The following TESK1 variants were observed in gnomAD, a reference collection of about 807,000 sequenced individuals.
TESK1 encodes testis associated actin remodelling kinase 1.
TESK1 carries 18 observed loss-of-function variants against 59.9 expected under a neutral mutation model. The observed-to-expected ratio is 0.30, with a 90% CI of 0.21 to 0.45. TESK1 has a LOEUF of 0.45. Ranked by LOEUF, TESK1 falls within the 20% of genes least tolerant of loss-of-function variation. The pLI is 1.00. For missense variants in TESK1, 748 were observed against 840.9 expected (o/e 0.89, Z 1.37); for synonymous variants, 341 against 357.4 (o/e 0.95, Z 0.52).
rs758121925 is a variant in TESK1 at position 35,607,562 on chromosome 9, C to T, written c.621-20C>T. 12 of 1,608,950 alleles carry T rather than the reference C, an allele frequency of 7.5e-6. No individual in the cohort carries two copies. The highest frequency in any genetic ancestry group is 1.0e-5 in the Non-Finnish European group (12 of 1,175,588). On this transcript the variant is annotated intron_variant, in intron 5 of 9. Transcript: ENST00000336395. The surrounding 1 kb of genome is among the most constrained non-coding windows in gnomAD (Gnocchi z 4.5). ...TGCCTGAATAGGATGCTTCTGACCA[C>T]TCTGCCCCTGCCCCTGCAGGGAGGG... is the stretch of plus-strand genomic sequence containing the variant.
At position 35,605,823 on chromosome 9, in the gene TESK1, C is replaced by T; in HGVS notation, c.204C>T (p.Phe68=). The T allele has an allele frequency of 1.9e-6, 3 of 1,611,744 alleles. No individual in the cohort carries two copies. The highest frequency in any genetic ancestry group is 2.5e-6 in the Non-Finnish European group (3 of 1,179,424). Residue 68 remains phenylalanine, a synonymous_variant, in exon 1 of 10, where the codon TTC becomes TTT. Transcript: ENST00000336395. ...HCAEKIGAGF[F]SEVYKVRHRQ... ...CGGAGAAGATCGGGGCCGGCTTCTT[C>T]TCTGAGGTCTACAAGGTAGGACCGG...
chr9:35,605,304 CCCGCCCGCCCGCCT>C lies in TESK1; in HGVS notation c.-307_-294del, dbSNP rs1309511304. 3 of 148,092 alleles carry C rather than the reference CCCGCCCGCCCGCCT, an allele frequency of 2.0e-5. No homozygotes were observed. The highest frequency in any genetic ancestry group is 4.9e-5 in the African/African-American group (2 of 40,924). The allele number at this position is 148,092 out of a possible 1,614,324, so 9.2% of individuals were successfully genotyped here. A position where few individuals can be genotyped will look rare whatever the true frequency, so the allele number is the denominator to read the frequency against. ...GGCTAAGCGGAGCAGCCGCCGCCCG[CCCGCCCGCCCGCCT>C]CCGCCCGCGGCAAGCCAGCCCGCCG... On this transcript the variant is annotated 5_prime_UTR_variant, in exon 1 of 10. Coordinates refer to ENST00000336395, the MANE Select transcript of TESK1 (RefSeq NM_006285.3).
In TESK1 at chr9:35,609,906, AC is replaced by A. The variant is rs759922705; in HGVS notation, c.*170del. 1.0e-5 allele frequency: 8 copies of A among 793,800 alleles called. No homozygotes were observed. The highest frequency in any genetic ancestry group is 4.5e-5 in the South Asian group (2 of 44,740). The allele number at this position is 793,800 out of a possible 1,614,324, so 49.2% of individuals were successfully genotyped here. A position where few individuals can be genotyped will look rare whatever the true frequency, so the allele number is the denominator to read the frequency against. On this transcript the variant is annotated 3_prime_UTR_variant, in exon 10 of 10. Transcript: ENST00000336395. This position sits in a 1 kb window ranked among gnomAD's most constrained non-coding sequence, Gnocchi z 6.7. Reference sequence around the variant, plus strand: ...TCAAGGGACAGAGCACTTCCAGTCGACCCCCCGGCTCGCGTTCCCGTGGGGA... The same window carrying A: ...TCAAGGGACAGAGCACTTCCAGTCGACCCCCGGCTCGCGTTCCCGTGGGGA...
In TESK1 at chr9:35,607,083, A is replaced by G. The variant is rs1281699574; in HGVS notation, c.537+100A>G. On this transcript the variant is annotated intron_variant, in intron 4 of 9. Transcript: ENST00000336395. This position sits in a 1 kb window ranked among gnomAD's most constrained non-coding sequence, Gnocchi z 4.5. ...GAATATGGATAACAGATATATTAGGATGTTGGAGTGGCAAGGCATTGGAGA... is the reference window on the plus strand; with the variant it reads ...GAATATGGATAACAGATATATTAGGGTGTTGGAGTGGCAAGGCATTGGAGA... The G allele has an allele frequency of 1.4e-6, 2 of 1,448,158 alleles. No homozygotes were observed. Among genetic ancestry groups the G allele is most frequent in the Non-Finnish European group, 9.2e-7 (1 of 1,086,398 alleles). The allele number at this position is 1,448,158 out of a possible 1,614,324, so 89.7% of individuals were successfully genotyped here. A position where few individuals can be genotyped will look rare whatever the true frequency, so the allele number is the denominator to read the frequency against.
In TESK1 at chr9:35,607,030, T is replaced by G; in HGVS notation, c.537+47T>G. On this transcript the variant is annotated intron_variant, in intron 4 of 9. Coordinates refer to ENST00000336395, the MANE Select transcript of TESK1 (RefSeq NM_006285.3). The surrounding 1 kb of genome is among the most constrained non-coding windows in gnomAD (Gnocchi z 4.5). ...AGACATGAAAGAGGGTTTGAGGCTA[T>G]TAGGTTGTAACTGGCCTGTGGATGT... The G allele has an allele frequency of 2.0e-6, 3 of 1,519,778 alleles. No individual in the cohort carries two copies. The highest frequency in any genetic ancestry group is 2.7e-6 in the Non-Finnish European group (3 of 1,129,502). 94.1% of individuals were successfully genotyped at this position (1,519,778 alleles called of 1,614,324 possible). A position where few individuals can be genotyped will look rare whatever the true frequency, so the allele number is the denominator to read the frequency against.
chr9:35,607,046 C>T lies in TESK1; in HGVS notation c.537+63C>T. 6.7e-7 allele frequency: 1 copy of T among 1,489,548 alleles called. No individual in the cohort carries two copies. Among genetic ancestry groups the T allele is most frequent in the East Asian group, 2.4e-5 (1 of 41,192 alleles). The allele number at this position is 1,489,548 out of a possible 1,614,324, so 92.3% of individuals were successfully genotyped here. A position where few individuals can be genotyped will look rare whatever the true frequency, so the allele number is the denominator to read the frequency against. On this transcript the variant is annotated intron_variant, in intron 4 of 9. Transcript: ENST00000336395. This position sits in a 1 kb window ranked among gnomAD's most constrained non-coding sequence, Gnocchi z 4.5. ...TTGAGGCTATTAGGTTGTAACTGGC[C>T]TGTGGATGTTGGAATATGGATAACA...
chr9:35,607,619 T>C lies in TESK1; in HGVS notation c.658T>C (p.Ser220Pro). Residue 220 changes from serine to proline, a missense_variant, in exon 6 of 10, where the codon TCC becomes CCC. Ser to Pro is a moderately conservative substitution (Grantham distance 74). Transcript: ENST00000336395. This position sits in a 1 kb window ranked among gnomAD's most constrained non-coding sequence, Gnocchi z 4.5. ...GAAGGAGCCATTGGCCGTGGTGGGC[T>C]CCCCATACTGGATGGCTCCAGAGGT... ...ARKEPLAVVG[S>P]PYWMAPEVLR... is the part of the protein sequence containing the mutation. 1 of 1,614,018 alleles carries C rather than the reference T, an allele frequency of 6.2e-7. No individual in the cohort carries two copies.
Position 35,607,538 on chromosome 9 carries a change from G to A in TESK1, c.621-44G>A. ...TCATCCCCTTTTGCCTGGGGGGGAT[G>A]CCTGAATAGGATGCTTCTGACCACT... On this transcript the variant is annotated intron_variant, in intron 5 of 9. Coordinates refer to ENST00000336395, the MANE Select transcript of TESK1 (RefSeq NM_006285.3). This position sits in a 1 kb window ranked among gnomAD's most constrained non-coding sequence, Gnocchi z 4.5. The A allele has an allele frequency of 1.3e-6, 2 of 1,587,142 alleles. No individual in the cohort carries two copies. The highest frequency in any genetic ancestry group is 1.7e-6 in the Non-Finnish European group (2 of 1,156,068).
rs1413289805 is a variant in TESK1, at chr9:35,607,891, T to G, written c.712-37T>G. On this transcript the variant is annotated intron_variant, in intron 6 of 9. Transcript: ENST00000336395. The surrounding 1 kb of genome is among the most constrained non-coding windows in gnomAD (Gnocchi z 4.5). Reference sequence around the variant, plus strand: ...TGTCAAAATTCTGAAATGAAAACTGTTAATTCTTCCCCGACACTATTATCT... The same window carrying G: ...TGTCAAAATTCTGAAATGAAAACTGGTAATTCTTCCCCGACACTATTATCT... 1 of 1,606,034 alleles carries G rather than the reference T, an allele frequency of 6.2e-7. No individual in the cohort carries two copies.
Position 35,607,835 on chromosome 9 carries a change from C to T in TESK1, c.712-93C>T. 1.4e-6 allele frequency: 2 copies of T among 1,429,332 alleles called. No individual in the cohort carries two copies. Among genetic ancestry groups the T allele is most frequent in the Non-Finnish European group, 9.7e-7 (1 of 1,029,452 alleles). 88.5% of individuals were successfully genotyped at this position (1,429,332 alleles called of 1,614,324 possible). A position where few individuals can be genotyped will look rare whatever the true frequency, so the allele number is the denominator to read the frequency against. On this transcript the variant is annotated intron_variant, in intron 6 of 9. Coordinates refer to ENST00000336395, the MANE Select transcript of TESK1 (RefSeq NM_006285.3). The surrounding 1 kb of genome is among the most constrained non-coding windows in gnomAD (Gnocchi z 4.5). ...TCTAACACATGAAAACTGTCAAGAT[C>T]CCCCACCCTCAACCAAATTCTGCTA...
Position 35,607,170 on chromosome 9 carries a change from G to A in TESK1, c.538-157G>A. ...GACTGAGTAGCACCCTGTGTTTGGA[G>A]TGTTGGATGATGTTGCAATATTGAA... is the stretch of plus-strand genomic sequence containing the variant. On this transcript the variant is annotated intron_variant, in intron 4 of 9. Coordinates refer to ENST00000336395, the MANE Select transcript of TESK1 (RefSeq NM_006285.3). The surrounding 1 kb of genome is among the most constrained non-coding windows in gnomAD (Gnocchi z 4.5). 4.9e-6 allele frequency: 6 copies of A among 1,230,962 alleles called. No individual in the cohort carries two copies. In the Middle Eastern group the frequency reaches 5.7e-4, roughly 117 times the overall value. 76.3% of individuals were successfully genotyped at this position (1,230,962 alleles called of 1,614,324 possible). A position where few individuals can be genotyped will look rare whatever the true frequency, so the allele number is the denominator to read the frequency against.
Position 35,607,454 on chromosome 9 carries a change from C to T in TESK1, c.620+45C>T. ...TCCCCCCAAATCTCCCAGAGTGCCC[C>T]TATCTGATGTCCCCAGAGCCCCAGG... On this transcript the variant is annotated intron_variant, in intron 5 of 9. Coordinates refer to ENST00000336395, the MANE Select transcript of TESK1 (RefSeq NM_006285.3). The surrounding 1 kb of genome is among the most constrained non-coding windows in gnomAD (Gnocchi z 4.5). The T allele has an allele frequency of 6.2e-7, 1 of 1,607,968 alleles. No homozygotes were observed. The highest frequency in any genetic ancestry group is 8.5e-7 in the Non-Finnish European group (1 of 1,174,486).
Position 35,609,946 on chromosome 9 carries a change from C to T in TESK1, c.*204C>T. 1.8e-6 allele frequency: 1 copy of T among 560,906 alleles called. No individual in the cohort carries two copies. The highest frequency in any genetic ancestry group is 3.1e-6 in the Non-Finnish European group (1 of 325,548). 34.7% of individuals were successfully genotyped at this position (560,906 alleles called of 1,614,324 possible). ...TTCCCGTGGGGATCACTGAACCAGA[C>T]ACAGCATTGCTGACACATGAGACTA... On this transcript the variant is annotated 3_prime_UTR_variant, in exon 10 of 10. Coordinates refer to ENST00000336395, the MANE Select transcript of TESK1 (RefSeq NM_006285.3). The surrounding 1 kb of genome is among the most constrained non-coding windows in gnomAD (Gnocchi z 6.7).
In TESK1 at chr9:35,609,736, C is replaced by A. The variant is rs1276218350; in HGVS notation, c.1875C>A (p.Arg625=). The A allele has an allele frequency of 6.3e-7, 1 of 1,588,442 alleles. No individual in the cohort carries two copies. The highest frequency in any genetic ancestry group is 1.7e-5 in the Admixed American group (1 of 58,708). The change falls in exon 10 of 10, where the codon CGC becomes CGA. Residue 625 remains arginine, a synonymous_variant. Transcript: ENST00000336395. This position sits in a 1 kb window ranked among gnomAD's most constrained non-coding sequence, Gnocchi z 6.7. ...CCAGCCTGCAGCTGCCTGGGGCACG[C>A]TCTTAGCAGTGGAGCCCGTGGTCTC... ...PTPSLQLPGA[R]S is the part of the protein sequence containing the mutation.
At position 35,608,231 on chromosome 9, in the gene TESK1, G is replaced by A. The variant is rs371366524; in HGVS notation, c.867G>A (p.Leu289=). The change falls in exon 8 of 10, where the codon CTG becomes CTA. Residue 289 remains leucine, a synonymous_variant. Transcript: ENST00000336395. ...GDDCPLPFLL[L]AIHCCNLEPS... ...ACTGCCCACTGCCTTTCTTGCTCCT[G>A]GCCATCCACTGCTGCAACGTAAGAG... is the stretch of plus-strand genomic sequence containing the variant. 1.2e-6 allele frequency: 2 copies of A among 1,614,088 alleles called. No individual in the cohort carries two copies. Among genetic ancestry groups the A allele is most frequent in the Non-Finnish European group, 8.5e-7 (1 of 1,180,006 alleles).
chr9:35,608,142 C>T lies in TESK1; in HGVS notation c.796-18C>T. ...CCAAGAAAAGCTGACTTGGAGGTCC[C>T]TCCTTCTGTCCCCACAGGACTTTGG... On this transcript the variant is annotated intron_variant, in intron 7 of 9. Transcript: ENST00000336395. 1 of 1,613,800 alleles carries T rather than the reference C, an allele frequency of 6.2e-7. No individual in the cohort carries two copies.
rs1822881380 is a variant in TESK1 at position 35,607,920 on chromosome 9, AC to A, written c.712-3del. 1 of 1,613,172 alleles carries A rather than the reference AC, an allele frequency of 6.2e-7. No individual in the cohort carries two copies. Among genetic ancestry groups the A allele is most frequent in the Admixed American group, 1.7e-5 (1 of 59,864 alleles). ...TTCTTCCCCGACACTATTATCTCTG[AC>A]CCCCAGGCTGATGTCTTTGCCTTCG... is the stretch of plus-strand genomic sequence containing the variant. On this transcript the variant is annotated splice_polypyrimidine_tract_variant and splice_region_variant and intron_variant, in intron 6 of 9. Coordinates refer to ENST00000336395, the MANE Select transcript of TESK1 (RefSeq NM_006285.3). The surrounding 1 kb of genome is among the most constrained non-coding windows in gnomAD (Gnocchi z 4.5).
chr9:35,607,139 C>A lies in TESK1; in HGVS notation c.537+156C>A. On this transcript the variant is annotated intron_variant, in intron 4 of 9. Coordinates refer to ENST00000336395, the MANE Select transcript of TESK1 (RefSeq NM_006285.3). This position sits in a 1 kb window ranked among gnomAD's most constrained non-coding sequence, Gnocchi z 4.5. ...GGGGGACCAGGGTGAGGGGAGTGCT[C>A]GGAGGGACTGAGTAGCACCCTGTGT... The A allele has an allele frequency of 7.9e-7, 1 of 1,270,724 alleles. No individual in the cohort carries two copies. The highest frequency in any genetic ancestry group is 1.4e-5 in the South Asian group (1 of 70,252). The allele number at this position is 1,270,724 out of a possible 1,614,324, so 78.7% of individuals were successfully genotyped here. A position where few individuals can be genotyped will look rare whatever the true frequency, so the allele number is the denominator to read the frequency against.
In TESK1 at chr9:35,607,299, G is replaced by C. The variant is rs766946987; in HGVS notation, c.538-28G>C. On this transcript the variant is annotated intron_variant, in intron 4 of 9. Coordinates refer to ENST00000336395, the MANE Select transcript of TESK1 (RefSeq NM_006285.3). The surrounding 1 kb of genome is among the most constrained non-coding windows in gnomAD (Gnocchi z 4.5). ...CCAGACAGCAGAAGGTGATGAGTGC[G>C]TGGGGATACTATGTGTGTGTGTGTC... is the stretch of plus-strand genomic sequence containing the variant. 5.6e-6 allele frequency: 9 copies of C among 1,613,536 alleles called. No individual in the cohort carries two copies. The highest frequency in any genetic ancestry group is 7.6e-6 in the Non-Finnish European group (9 of 1,179,546).
Sources: allele counts gnomAD v4.1 joint callset, GRCh38; gene constraint gnomAD v4.1.1; non-coding constraint Gnocchi (gnomAD v3.1); transcripts MANE v1.5; gene names NCBI Gene and HGNC (gene_info 2026-07-23, HGNC 2026-07-21).